The following OIP5 variants were observed in gnomAD, a reference collection of about 807,000 sequenced individuals.
OIP5 encodes protein Mis18-beta.
In OIP5, 24 loss-of-function variants were observed where a neutral mutation model predicts 20.3. The observed-to-expected ratio is 1.18, with a 90% confidence interval of 0.86 to 1.66. OIP5 has a LOEUF of 1.66. Among genes scored for constraint, OIP5 ranks in the 40% most tolerant of loss-of-function variants. The pLI is 0.00. For synonymous variants in OIP5, 143 were observed against 121.3 expected (o/e 1.18, Z -1.17); for missense variants, 339 against 289.5 (o/e 1.17, Z -1.24).
At chr15:41,323,571 A>G (rs965324352) in intron 2 of OIP5, among the ~76,000 whole-genome samples, 5 of 152,070 alleles carry the variant, frequency 3.3e-5, no homozygotes, top group African/African-American at 7.2e-5. Context: ...CCCAGACTCA[A>G]GTGATCCTCC....
intron 2 of OIP5, among the ~76,000 whole-genome samples, chr15:41,330,545 A>T (rs1344551982): frequency 1.3e-5 from 2 of 151,126 alleles, no homozygotes; most frequent in Non-Finnish European, 3.0e-5. Flanking sequence ...CTGGGACTAC[A>T]GGCGCCCGCC....
intron 2 of OIP5, among the ~76,000 whole-genome samples, chr15:41,324,338 C>T (rs189631771): frequency 1.6e-4 from 25 of 152,132 alleles, no homozygotes; most frequent in Admixed American, 9.8e-4. Flanking sequence ...CCTCACCTCT[C>T]AGCCTTCACA....
At chr15:41,325,311 CAGG>C (rs2047854623) in intron 2 of OIP5, among the ~76,000 whole-genome samples, 2 of 151,976 alleles carry the variant, frequency 1.3e-5, no homozygotes, top group Admixed American at 1.3e-4. Flanking sequence ...GAGGCTGAGG[CAGG>C]AGAATGGTGT....
intron 3 of OIP5, among the ~76,000 whole-genome samples, chr15:41,314,796 T>C (rs1002251237): frequency 1.3e-5 from 2 of 151,832 alleles, no homozygotes; most frequent in African/African-American, 4.8e-5. Context: ...CATGCCCAGC[T>C]AATTTTTGTA....
intron 2 of OIP5, among the ~76,000 whole-genome samples, chr15:41,321,222 G>A (rs1422539937): frequency 1.9e-4 from 27 of 145,552 alleles, no homozygotes; most frequent in African/African-American, 6.5e-4. Context: ...CCCCCCGCCC[G>A]GCCAGCCGCC....
chr15:41,325,171 G>A (rs953733634), intron 2 of OIP5, among the ~76,000 whole-genome samples: 3 of 151,830 alleles, frequency 2.0e-5, no homozygotes, highest in African/African-American at 2.4e-5. Context: ...CTGGGAGGCC[G>A]AGGGAGGCAG....
intron 2 of OIP5, among the ~76,000 whole-genome samples, chr15:41,321,927 ATAAAT>A (rs1025336612): frequency 4.8e-5 from 3 of 62,998 alleles, no homozygotes; most frequent in African/African-American, 3.0e-4. Flanking sequence ...CAATAAAAAA[ATAAAT>A]AAATAAATAA....
intron 2 of OIP5, among the ~76,000 whole-genome samples, chr15:41,321,254 T>G (rs547226600): frequency 0.012 from 1,297 of 112,766 alleles, 15 homozygotes; most frequent in Non-Finnish European, 0.014. Flanking sequence ...GGAGGTGGGG[T>G]GGTCCAGCCC....
At chr15:41,320,902 G>C (rs6493000) in intron 2 of OIP5, among the ~76,000 whole-genome samples, 42,619 of 146,090 alleles carry the variant, frequency 0.29, 6,543 homozygotes, top group African/African-American at 0.4. Context: ...GGCCTCCCAT[G>C]GTCTGAGATG....
At chr15:41,326,871 G>GAA (rs2047865151) in intron 2 of OIP5, among the ~76,000 whole-genome samples, 1 of 152,160 alleles carries the variant, frequency 6.6e-6, no homozygotes. Context: ...CATGGGCACT[G>GAA]GAGAATATTA....
intron 2 of OIP5, among the ~76,000 whole-genome samples, chr15:41,323,410 T>C (rs866192930): frequency 9.2e-5 from 14 of 152,318 alleles, no homozygotes; most frequent in Middle Eastern, 3.4e-3. Flanking sequence ...ATAGTAGCTA[T>C]AGATAGTAAT....
chr15:41,313,406 A>G, intron 3 of OIP5, 52 bp from the exon 4 acceptor site: 1 of 1,030,050 alleles, frequency 9.7e-7, no homozygotes. Flanking sequence ...TAAGATTATA[A>G]AAGAACCAAA....
intron 3 of OIP5, among the ~76,000 whole-genome samples, chr15:41,315,255 C>A (rs2047782749): frequency 6.6e-6 from 1 of 151,772 alleles, no homozygotes; most frequent in African/African-American, 2.4e-5. Context: ...CATGGTAAAA[C>A]CCCATTTCTA....
intron 4 of OIP5, among the ~76,000 whole-genome samples, chr15:41,310,343 G>A (rs1298675618): frequency 6.6e-6 from 1 of 152,104 alleles, no homozygotes; most frequent in Non-Finnish European, 1.5e-5. Flanking sequence ...ATCTTCAGAT[G>A]TGGCCAGGCG....
Position 41,311,973 on chromosome 15 carries a change from G to A in OIP5, c.594+1300C>T, listed in dbSNP as rs1430933417. Reference sequence around the variant, plus strand: ...AGGTTCAAGCGATTCTCCTGCCTCAGCCTCCCGAAAAGCTGGGATTATAGG... The same window carrying A: ...AGGTTCAAGCGATTCTCCTGCCTCAACCTCCCGAAAAGCTGGGATTATAGG... On this transcript the variant is annotated intron_variant, in intron 4 of 4. Transcript: ENST00000220514. Among the ~76,000 whole-genome samples, 33 of 141,590 alleles carry A rather than the reference G, an allele frequency of 2.3e-4. 5 individuals carry two copies. The highest frequency in any genetic ancestry group is 3.5e-3 in the Middle Eastern group (1 of 286). 92.9% of individuals were successfully genotyped at this position (141,590 alleles called of 152,430 possible).
chr15:41,314,656 G>C (rs1408933554), intron 3 of OIP5, among the ~76,000 whole-genome samples: 1 of 148,244 alleles, frequency 6.7e-6, no homozygotes, highest in Non-Finnish European at 1.5e-5. Flanking sequence ...TTTTGAGACA[G>C]AGTCTTACTC....
At chr15:41,314,756 C>G (rs1458644024) in intron 3 of OIP5, among the ~76,000 whole-genome samples, 2 of 151,766 alleles carry the variant, frequency 1.3e-5, no homozygotes, top group Non-Finnish European at 2.9e-5. Flanking sequence ...CTCAGCCTCC[C>G]AAGCAGTTGG....
In OIP5 at chr15:41,325,546, A is replaced by G. The variant is rs2047856286; in HGVS notation, c.390-5766T>C. ...TGTCACAAACCTTCAATTTGTTAAA[A>G]AAAAAAAAAAATGCAGTCCCTGGGC... On this transcript the variant is annotated intron_variant, in intron 2 of 4. Coordinates refer to ENST00000220514, the MANE Select transcript of OIP5 (RefSeq NM_007280.2). 2.6e-5 allele frequency among the ~76,000 whole-genome samples: 4 copies of G among 152,048 alleles called. No homozygotes were observed. In the South Asian group the frequency reaches 8.3e-4, roughly 32 times the overall value.
intron 2 of OIP5, among the ~76,000 whole-genome samples, chr15:41,320,934 C>A (rs2047819718): frequency 1.3e-5 from 2 of 151,586 alleles, no homozygotes; most frequent in Admixed American, 1.3e-4. Flanking sequence ...TCTGCCCTGC[C>A]GCCCCGTCTG....
Sources: allele counts gnomAD v4.1 joint callset (sites outside exome capture counted in the v4.1 genomes callset), GRCh38; gene constraint gnomAD v4.1.1; transcripts MANE v1.5; gene names NCBI Gene and HGNC (gene_info 2026-07-23, HGNC 2026-07-21).